PIWIL4: variants seen among roughly 807,000 people sequenced by gnomAD.
The protein encoded by PIWIL4 is piwi like RNA-mediated gene silencing 4, also known as piwi-like protein 4.
Under a neutral mutation model 100.9 loss-of-function variants are expected in PIWIL4, and 50 were observed. The ratio of observed to expected loss-of-function variants is 0.50; its 90% CI spans 0.39 to 0.63. The LOEUF is 0.63. PIWIL4 is among the 20% of genes least tolerant of loss of function. The pLI is 0.00. For missense variants in PIWIL4, 887 were observed against 1,043.3 expected (o/e 0.85, Z 2.06); for synonymous variants, 342 against 367.5 (o/e 0.93, Z 0.79).
rs1252027901 is a variant in PIWIL4 at position 94,593,503 on chromosome 11, T to A, written c.1027-15T>A. On this transcript the variant is annotated splice_polypyrimidine_tract_variant and intron_variant, in intron 8 of 19. Transcript: ENST00000299001. ...TCCATGTTAACTTTTTACTTATTAA[T>A]CTTGCATTTTATAGCAGTATGATAT... 1.2e-6 allele frequency: 2 copies of A among 1,610,210 alleles called. No homozygotes were observed. The highest frequency in any genetic ancestry group is 1.7e-6 in the Non-Finnish European group (2 of 1,178,248).
intron 9 of PIWIL4, among the ~76,000 whole-genome samples, chr11:94,594,423 G>A (rs376053071): frequency 2.0e-5 from 3 of 148,462 alleles, no homozygotes; most frequent in Admixed American, 6.7e-5. Flanking sequence ...CCGCGATCAC[G>A]CCAGTGCACT....
intron 12 of PIWIL4, among the ~76,000 whole-genome samples, chr11:94,602,965 G>A (rs1353189597): frequency 2.6e-5 from 4 of 152,236 alleles, no homozygotes; most frequent in African/African-American, 4.8e-5. Flanking sequence ...TCTTTCTCAT[G>A]TGAATTCTGG....
chr11:94,570,068 C>G (rs1389476312), intron 2 of PIWIL4, among the ~76,000 whole-genome samples: 1 of 152,140 alleles, frequency 6.6e-6, no homozygotes, highest in African/African-American at 2.4e-5. Context: ...GCCAACTGCT[C>G]TCTTTCTTCC....
At chr11:94,614,305 T>TTC (rs1948820414) in intron 15 of PIWIL4, among the ~76,000 whole-genome samples, 1 of 149,618 alleles carries the variant, frequency 6.7e-6, no homozygotes, top group South Asian at 2.1e-4. Context: ...CTTTTCTTTT[T>TTC]TTTTTTTTTT....
chr11:94,567,490 C>T lies in PIWIL4; in HGVS notation c.-29C>T. The T allele has an allele frequency of 6.6e-7, 1 of 1,525,786 alleles. No homozygotes were observed. The highest frequency in any genetic ancestry group is 8.8e-7 in the Non-Finnish European group (1 of 1,131,274). 94.5% of individuals were successfully genotyped at this position (1,525,786 alleles called of 1,614,324 possible). A position where few individuals can be genotyped will look rare whatever the true frequency, so the allele number is the denominator to read the frequency against. ...ATATCCTAACTGAGACTTTGCAGCT[C>T]TTGTGGCCACTCTGGGCTCACCGGG... On this transcript the variant is annotated 5_prime_UTR_variant, in exon 1 of 20. Transcript: ENST00000299001.
Position 94,601,845 on chromosome 11 carries a change from G to T in PIWIL4, c.1431G>T (p.Lys477Asn). ...GGTCCAAGGATATTCGAACTTGCAA[G>T]ATTTTAAATGCACAGTCTTTGAATA... ...ADWSKDIRTCKILNAQSLNTW... is the reference protein window; with the variant it reads ...ADWSKDIRTCNILNAQSLNTW... Residue 477 changes from lysine (K) to asparagine (N), a missense_variant, in exon 12 of 20, where the codon AAG (lysine) becomes AAT (asparagine). This residue lies in a region of PIWIL4 where 741 missense variants were observed against 930.0 expected (regional missense o/e 0.80). Transcript: ENST00000299001. The T allele has an allele frequency of 6.2e-7, 1 of 1,614,052 alleles. No individual in the cohort carries two copies. Among genetic ancestry groups the T allele is most frequent in the Non-Finnish European group, 8.5e-7 (1 of 1,179,956 alleles).
chr11:94,568,844 C>T lies in PIWIL4; in HGVS notation c.166+36C>T, dbSNP rs745435701. ...CTCAGCCTGTTCATTTAGTACCATT[C>T]AACCTGAATGGAGCAAGAGGAGCCC... On this transcript the variant is annotated intron_variant, in intron 2 of 19. Coordinates refer to ENST00000299001, the MANE Select transcript of PIWIL4 (RefSeq NM_152431.3). The T allele has an allele frequency of 5.2e-6, 8 of 1,543,020 alleles. No homozygotes were observed. The East Asian group carries it at 1.6e-4, about 30-fold the overall frequency.
intron 14 of PIWIL4, 66 bp downstream of exon 14, chr11:94,607,705 G>T (rs1009827901): frequency 6.2e-6 from 9 of 1,452,968 alleles, no homozygotes; most frequent in Middle Eastern, 2.2e-4. Context: ...TAAAGTAGGA[G>T]ATGTTATCAC....
Position 94,619,804 on chromosome 11 carries a change from G to T in PIWIL4, c.2213G>T (p.Arg738Leu). 6.2e-7 allele frequency: 1 copy of T among 1,614,146 alleles called. No individual in the cohort carries two copies. The highest frequency in any genetic ancestry group is 8.5e-7 in the Non-Finnish European group (1 of 1,180,020). ...GTGGTCAGGAAGAAGTGCATGCCAC[G>T]ATTCTTTACCGAAATGAACCGCACT... ...VIVVRKKCMP[R>L]FFTEMNRTVQ... Residue 738 changes from arginine (R) to leucine (L), a missense_variant, in exon 18 of 20, where the codon CGA (arginine) becomes CTA (leucine). Arg to Leu is a moderately radical substitution (Grantham distance 102, BLOSUM62 -2). Coordinates refer to ENST00000299001, the MANE Select transcript of PIWIL4 (RefSeq NM_152431.3).
At chr11:94,599,648 A>T (rs1257348986) in intron 11 of PIWIL4, among the ~76,000 whole-genome samples, 1 of 152,194 alleles carries the variant, frequency 6.6e-6, no homozygotes, top group Non-Finnish European at 1.5e-5. Flanking sequence ...CTGGGGCTGA[A>T]TCCAGCCCAG....
chr11:94,589,591 T>C (rs1165933081), intron 8 of PIWIL4, among the ~76,000 whole-genome samples: 1 of 152,190 alleles, frequency 6.6e-6, no homozygotes, highest in Admixed American at 6.5e-5. Flanking sequence ...GCCTCATCTC[T>C]TCCCATTCCC....
chr11:94,579,975 T>C (rs1485358775), intron 4 of PIWIL4, among the ~76,000 whole-genome samples: 3 of 152,214 alleles, frequency 2.0e-5, no homozygotes, highest in African/African-American at 4.8e-5. Flanking sequence ...TTACTTCCAT[T>C]GTACCTAAAC....
intron 2 of PIWIL4, among the ~76,000 whole-genome samples, chr11:94,572,274 C>T (rs564144581): frequency 7.9e-5 from 12 of 152,154 alleles, no homozygotes; most frequent in Admixed American, 5.9e-4. Flanking sequence ...TTTTGCTGTG[C>T]AGAAGCTCTT....
chr11:94,576,198 G>A (rs575028142), intron 3 of PIWIL4, among the ~76,000 whole-genome samples: 129 of 152,204 alleles, frequency 8.5e-4, no homozygotes, highest in African/African-American at 3.0e-3. Flanking sequence ...GTAATGGTGC[G>A]ATCTTGGTTC....
intron 2 of PIWIL4, among the ~76,000 whole-genome samples, chr11:94,573,898 T>C (rs1438553229): frequency 1.3e-5 from 2 of 152,176 alleles, no homozygotes; most frequent in African/African-American, 2.4e-5. Flanking sequence ...TCTGTACTCA[T>C]TAATTAATAA....
rs372072342 is a variant in PIWIL4 at position 94,577,273 on chromosome 11, T to G, written c.299-5T>G. 1.7e-4 allele frequency: 271 copies of G among 1,606,400 alleles called. No individual in the cohort carries two copies. The highest frequency in any genetic ancestry group is 8.2e-4 in the Admixed American group (48 of 58,656). On this transcript the variant is annotated splice_polypyrimidine_tract_variant and splice_region_variant and intron_variant, in intron 3 of 19. Transcript: ENST00000299001. The stretch of plus-strand genomic sequence containing the variant: ...AAAAAATTGTTTTTTGTTTGTCTTC[T>G]TCAGGTTCCAGTGGAATACCTGTGA...
At chr11:94,586,757 C>T (rs974020236) in intron 6 of PIWIL4, among the ~76,000 whole-genome samples, 1 of 152,148 alleles carries the variant, frequency 6.6e-6, no homozygotes, top group African/African-American at 2.4e-5. Context: ...TGCTGCTAAA[C>T]ATCCTACAGT....
At chr11:94,605,878 G>T (rs753676201) in intron 13 of PIWIL4, among the ~76,000 whole-genome samples, 2 of 152,136 alleles carry the variant, frequency 1.3e-5, no homozygotes, top group Admixed American at 6.5e-5. Context: ...GCTGGCTTCT[G>T]TGTCTTTTTC....
At chr11:94,578,032 A>G (rs1948262526) in intron 4 of PIWIL4, among the ~76,000 whole-genome samples, 2 of 152,144 alleles carry the variant, frequency 1.3e-5, no homozygotes, top group Non-Finnish European at 2.9e-5. Flanking sequence ...GGATGTTACC[A>G]TTCTTTGGCC....
Sources: allele counts gnomAD v4.1 joint callset (sites outside exome capture counted in the v4.1 genomes callset), GRCh38; gene constraint gnomAD v4.1.1; regional missense constraint gnomAD v4.1.1; transcripts MANE v1.5; gene names NCBI Gene and HGNC (gene_info 2026-07-23, HGNC 2026-07-21).